PTPRT: variants seen among roughly 807,000 people sequenced by gnomAD.
PTPRT encodes the protein receptor-type tyrosine-protein phosphatase T.
In PTPRT, 56 loss-of-function variants were observed where a neutral mutation model predicts 176.8. That is an observed-to-expected ratio of 0.32 (90% CI 0.26 to 0.40). PTPRT has a LOEUF of 0.40. Ranked by LOEUF, PTPRT falls within the 10% of genes least tolerant of loss-of-function variation. The pLI is 1.00. For missense variants in PTPRT, 1,540 were observed against 1,908.2 expected, an observed-to-expected ratio of 0.81 and a Z score of 3.60; for synonymous variants, 783 against 739.0, an observed-to-expected ratio of 1.06 and a Z score of -0.96.
chr20:42,254,333 C>T (rs1173002593), intron 13 of PTPRT, among the ~76,000 whole-genome samples: 1 of 152,132 alleles, frequency 6.6e-6, no homozygotes, highest in Non-Finnish European at 1.5e-5. Context: ...ACTTGGGAGT[C>T]TATAAAAAAT....
chr20:42,438,414 G>A (rs572907069), intron 9 of PTPRT, among the ~76,000 whole-genome samples: 3 of 152,258 alleles, frequency 2.0e-5, no homozygotes, highest in Admixed American at 2.0e-4. Context: ...GATATGAGGT[G>A]ATCACAGGCC....
At chr20:42,425,840 A>G (rs367742538) in intron 9 of PTPRT, among the ~76,000 whole-genome samples, 90 of 152,294 alleles carry the variant, frequency 5.9e-4, no homozygotes, top group African/African-American at 2.1e-3. Flanking sequence ...AGTGGATGAG[A>G]GAGGGAGGCC....
chr20:42,694,989 G>A (rs1000960208), intron 6 of PTPRT, among the ~76,000 whole-genome samples: 10 of 152,286 alleles, frequency 6.6e-5, no homozygotes, highest in South Asian at 2.1e-4. Context: ...ATGGCCAGGC[G>A]GGGGTGGCTC....
chr20:43,028,376 G>C (rs206162), intron 1 of PTPRT, among the ~76,000 whole-genome samples: 104,232 of 151,916 alleles, frequency 0.69, 38,490 homozygotes, highest in South Asian at 0.9. Context: ...TAACAAACTT[G>C]GTTCCCCTCC....
intron 2 of PTPRT, among the ~76,000 whole-genome samples, chr20:42,837,540 G>A (rs1278403977): frequency 6.6e-6 from 1 of 152,188 alleles, no homozygotes; most frequent in East Asian, 1.9e-4. Flanking sequence ...ATCCAGCCAG[G>A]TCTGCTGCAG....
At chr20:42,985,493 C>T (rs925043578) in intron 1 of PTPRT, among the ~76,000 whole-genome samples, 1 of 151,700 alleles carries the variant, frequency 6.6e-6, no homozygotes, top group Non-Finnish European at 1.5e-5. Flanking sequence ...GACTCCGTTG[C>T]TAAATAAATA....
At chr20:42,437,979 T>C (rs1331238044) in intron 9 of PTPRT, among the ~76,000 whole-genome samples, 1 of 152,168 alleles carries the variant, frequency 6.6e-6, no homozygotes, top group African/African-American at 2.4e-5. Flanking sequence ...AGAGAACAAC[T>C]TGTGATGTTT....
At chr20:42,612,739 A>G (rs2073995969) in intron 7 of PTPRT, among the ~76,000 whole-genome samples, 1 of 152,004 alleles carries the variant, frequency 6.6e-6, no homozygotes, top group African/African-American at 2.4e-5. Flanking sequence ...TATATTGAAA[A>G]TATACACTGA....
chr20:42,746,841 C>A lies in PTPRT; in HGVS notation c.859+9621G>T, dbSNP rs151106998. ...GTAAGCTAAGTCTACCACAAAAAAA[C>A]TTCCAGACCTAAGTTGGAGCATATA... On this transcript the variant is annotated intron_variant, in intron 6 of 30. Coordinates refer to ENST00000373187, the MANE Select transcript of PTPRT (RefSeq NM_007050.6). Among the ~76,000 whole-genome samples, 710 of 152,242 alleles carry A rather than the reference C, an allele frequency of 4.7e-3. 7 individuals carry two copies. Among genetic ancestry groups the A allele is most frequent in the African/African-American group, 0.016 (674 of 41,544 alleles).
At position 42,244,314 on chromosome 20, in the gene PTPRT, A is replaced by G. The variant is rs1396941019; in HGVS notation, c.2312+4373T>C. 2.0e-5 allele frequency among the ~76,000 whole-genome samples: 3 copies of G among 152,232 alleles called. No homozygotes were observed. In the East Asian group the frequency reaches 5.8e-4, roughly 29 times the overall value. Reference sequence around the variant, plus strand: ...CCAGAGATGCATATAAAATATCAGAATAGACATTCATATTTATACTCAAGA... The same window carrying G: ...CCAGAGATGCATATAAAATATCAGAGTAGACATTCATATTTATACTCAAGA... On this transcript the variant is annotated intron_variant, in intron 14 of 30. Transcript: ENST00000373187.
intron 6 of PTPRT, among the ~76,000 whole-genome samples, chr20:42,703,573 C>A (rs1457127816): frequency 6.6e-6 from 1 of 152,162 alleles, no homozygotes; most frequent in Non-Finnish European, 1.5e-5. Flanking sequence ...GCTCCTCTTT[C>A]TGCTCCTTTT....
chr20:42,610,335 A>T (rs1192602504), intron 7 of PTPRT, among the ~76,000 whole-genome samples: 1 of 150,826 alleles, frequency 6.6e-6, no homozygotes, highest in Non-Finnish European at 1.5e-5. Context: ...AGCAGACAAC[A>T]TGTTAAGGAC....
At chr20:43,126,079 G>A (rs925320055) in intron 1 of PTPRT, among the ~76,000 whole-genome samples, 2 of 152,334 alleles carry the variant, frequency 1.3e-5, no homozygotes, top group African/African-American at 2.4e-5. Context: ...ACCGGGTGTG[G>A]TGGCTCATCC....
At chr20:42,084,969 C>T (rs1297849721) in intron 28 of PTPRT, 124 bp from the exon 29 acceptor site, 7 of 777,064 alleles carry the variant, frequency 9.0e-6, no homozygotes, top group Non-Finnish European at 1.2e-5. Flanking sequence ...AAGCCATGTC[C>T]TCACGGGGAG....
At chr20:42,779,844 GGT>G (rs2077189247) in intron 4 of PTPRT, among the ~76,000 whole-genome samples, 1 of 106,042 alleles carries the variant, frequency 9.4e-6, no homozygotes, top group Non-Finnish European at 2.4e-5. Flanking sequence ...TTTTGGTGGT[GGT>G]GTGTTTTTTT....
In PTPRT at chr20:42,078,129, C is replaced by G. The variant is rs1342392747; in HGVS notation, c.*2750G>C. The G allele has an allele frequency of 1.1e-5, 2 of 188,438 alleles. No homozygotes were observed. The highest frequency in any genetic ancestry group is 1.7e-4 in the East Asian group (2 of 11,768). 11.7% of individuals were successfully genotyped at this position (188,438 alleles called of 1,614,324 possible). A position where few individuals can be genotyped will look rare whatever the true frequency, so the allele number is the denominator to read the frequency against. The stretch of plus-strand genomic sequence containing the variant: ...CCCAGTGGGGGTGGGTCCCCGGGGT[C>G]TGCTGAAATACACCTGGGGAGAGGC... On this transcript the variant is annotated 3_prime_UTR_variant, in exon 31 of 31. Coordinates refer to ENST00000373187, the MANE Select transcript of PTPRT (RefSeq NM_007050.6).
At chr20:43,049,891 T>C (rs1318708895) in intron 1 of PTPRT, among the ~76,000 whole-genome samples, 2 of 152,222 alleles carry the variant, frequency 1.3e-5, no homozygotes, top group Admixed American at 1.3e-4. Context: ...TTAGACTAAT[T>C]ATGGGATCTC....
intron 1 of PTPRT, among the ~76,000 whole-genome samples, chr20:43,083,347 T>TATATATACATATATATATATATATAC: frequency 3.1e-5 from 3 of 97,784 alleles, no homozygotes. Flanking sequence ...TATATATATA[T>TATATATACATATATATATATATATAC]ATATATATAT....
At chr20:42,582,476 C>T (rs2073391744) in intron 7 of PTPRT, among the ~76,000 whole-genome samples, 1 of 152,132 alleles carries the variant, frequency 6.6e-6, no homozygotes, top group Non-Finnish European at 1.5e-5. Flanking sequence ...TATAGTTGTG[C>T]ACAAAACCAC....
Sources: allele counts gnomAD v4.1 joint callset (sites outside exome capture counted in the v4.1 genomes callset), GRCh38; gene constraint gnomAD v4.1.1; transcripts MANE v1.5; gene names NCBI Gene and HGNC (gene_info 2026-07-23, HGNC 2026-07-21).